The following SYNDIG1L variants were observed in gnomAD, a reference collection of about 807,000 sequenced individuals.
SYNDIG1L encodes synapse differentiation-inducing gene protein 1-like.
Under a neutral mutation model 20.1 loss-of-function variants are expected in SYNDIG1L, and 13 were observed. That is an observed-to-expected ratio of 0.65 (90% confidence interval 0.42 to 1.03). The LOEUF is 1.03. Ranked by LOEUF, SYNDIG1L falls within the 50% of genes least tolerant of loss-of-function variation. The pLI, the probability that SYNDIG1L is intolerant of heterozygous loss-of-function variation, is 0.00. For synonymous variants in SYNDIG1L, 128 were observed against 129.3 expected, an observed-to-expected ratio of 0.99 and a Z score of 0.07; for missense variants, 294 against 305.1, an observed-to-expected ratio of 0.96 and a Z score of 0.27.
chr14:74,446,251 C>CA, the SYNDIG1L span, among the ~76,000 whole-genome samples: 2 of 152,130 alleles, frequency 1.3e-5, no homozygotes, highest in East Asian at 3.9e-4. Flanking sequence ...GAGAAACAGC[C>CA]TAAATATTCC....
chr14:74,436,569 C>T, the SYNDIG1L span, among the ~76,000 whole-genome samples: 1 of 151,782 alleles, frequency 6.6e-6, no homozygotes, highest in Non-Finnish European at 1.5e-5. Flanking sequence ...CTCAGCTCAG[C>T]TGGGTGCAGT....
chr14:74,463,764 A>G, the SYNDIG1L span, among the ~76,000 whole-genome samples: 1 of 152,204 alleles, frequency 6.6e-6, no homozygotes. Flanking sequence ...ACAAAATAGA[A>G]AAAGGTTAAG....
chr14:74,411,000 AC>A lies in SYNDIG1L; in HGVS notation c.-57-1200del, dbSNP rs538099460. Among the ~76,000 whole-genome samples, 80 of 151,900 alleles carry A rather than the reference AC, an allele frequency of 5.3e-4. 1 individual carries two copies. The highest frequency in any genetic ancestry group is 1.9e-3 in the South Asian group (9 of 4,802). On this transcript the variant is annotated intron_variant, in intron 1 of 3. Coordinates refer to ENST00000331628, the MANE Select transcript of SYNDIG1L (RefSeq NM_001105579.2). ...CTACTGAGCACCTGGGAAGCCATAA[AC>A]CCCCCCAACACACTGGGTGTGGCAG...
upstream of SYNDIG1L, among the ~76,000 whole-genome samples, chr14:74,429,731 A>G (rs1245958100): frequency 1.3e-5 from 2 of 152,230 alleles, no homozygotes; most frequent in East Asian, 1.9e-4. Flanking sequence ...GCACTCATGG[A>G]TATGGCTCCA....
chr14:74,479,064 G>A, the SYNDIG1L span, among the ~76,000 whole-genome samples: 1 of 152,214 alleles, frequency 6.6e-6, no homozygotes, highest in Non-Finnish European at 1.5e-5. Flanking sequence ...GATACATCTA[G>A]AGTCTGGTAT....
the SYNDIG1L span, among the ~76,000 whole-genome samples, chr14:74,475,605 T>G: frequency 6.6e-6 from 1 of 151,638 alleles, no homozygotes; most frequent in African/African-American, 2.4e-5. Context: ...GCTCTTAGAC[T>G]CTGAAGCTCC....
the SYNDIG1L span, among the ~76,000 whole-genome samples, chr14:74,459,830 A>C: frequency 2.5e-4 from 38 of 152,044 alleles, no homozygotes; most frequent in African/African-American, 7.7e-4. Flanking sequence ...GCTGTTGCTG[A>C]CTCCTTCAGA....
chr14:74,449,559 C>T, the SYNDIG1L span, among the ~76,000 whole-genome samples: 539 of 142,770 alleles, frequency 3.8e-3, 5 homozygotes, highest in African/African-American at 0.014. Flanking sequence ...CTGCAGTGAG[C>T]TATGATTGTG....
At chr14:74,448,933 G>T in the SYNDIG1L span, among the ~76,000 whole-genome samples, 1 of 151,948 alleles carries the variant, frequency 6.6e-6, no homozygotes, top group Non-Finnish European at 1.5e-5. Context: ...AAAGAGAAAA[G>T]AAATAGGAAA....
chr14:74,448,452 C>CTA, the SYNDIG1L span, among the ~76,000 whole-genome samples: 1 of 152,046 alleles, frequency 6.6e-6, no homozygotes, highest in East Asian at 1.9e-4. Context: ...ACATAACAAT[C>CTA]TATACAGTTA....
In SYNDIG1L at chr14:74,409,574, T is replaced by C. The variant is rs372896550; in HGVS notation, c.171A>G (p.Pro57=). Reference sequence around the variant, plus strand: ...CCTCCACGGCCAGCTGCAGGGACCCTGGGTCCAGGAGCTGGTGGGCTCCGG... The same window carrying C: ...CCTCCACGGCCAGCTGCAGGGACCCCGGGTCCAGGAGCTGGTGGGCTCCGG... ...GPAGAHQLLD[P]GSLQLAVEAW... is the part of the protein sequence containing the mutation. Residue 57 remains proline (P), a synonymous_variant, in exon 2 of 4, where the codon CCA becomes CCG. Coordinates refer to ENST00000331628, the MANE Select transcript of SYNDIG1L (RefSeq NM_001105579.2). 75 of 1,520,044 alleles carry C rather than the reference T, an allele frequency of 4.9e-5. No individual in the cohort carries two copies. In the East Asian group the frequency reaches 1.2e-3, roughly 24 times the overall value. 94.2% of individuals were successfully genotyped at this position (1,520,044 alleles called of 1,614,324 possible).
the SYNDIG1L span, chr14:74,472,284 C>T: frequency 6.6e-6 from 1 of 152,222 alleles, no homozygotes; most frequent in Admixed American, 6.5e-5. Flanking sequence ...CACCCCTCCC[C>T]TGGCTTTTAC....
At chr14:74,447,346 T>C in the SYNDIG1L span, among the ~76,000 whole-genome samples, 4 of 152,246 alleles carry the variant, frequency 2.6e-5, no homozygotes, top group Non-Finnish European at 5.9e-5. Flanking sequence ...AGGTAGCACT[T>C]TGGGAGGCCA....
At chr14:74,417,271 A>G (rs966974907) in intron 1 of SYNDIG1L, among the ~76,000 whole-genome samples, 8 of 152,228 alleles carry the variant, frequency 5.3e-5, no homozygotes, top group African/African-American at 1.9e-4. Context: ...AAAGGTGATA[A>G]AACAGCTGGC....
upstream of SYNDIG1L, among the ~76,000 whole-genome samples, chr14:74,426,368 C>A (rs1409190975): frequency 6.6e-6 from 1 of 151,622 alleles, no homozygotes; most frequent in East Asian, 1.9e-4. Context: ...GTCGGGGGAG[C>A]CCGGAGGAGG....
the SYNDIG1L span, among the ~76,000 whole-genome samples, chr14:74,433,776 G>T: frequency 2.0e-5 from 3 of 152,092 alleles, no homozygotes; most frequent in Admixed American, 1.3e-4. Context: ...TTTACCCAAG[G>T]TTTTATGGCT....
the SYNDIG1L span, among the ~76,000 whole-genome samples, chr14:74,445,354 T>C: frequency 6.6e-6 from 1 of 152,194 alleles, no homozygotes; most frequent in African/African-American, 2.4e-5. Context: ...TATTCCTTTA[T>C]AGCAATGTGA....
the SYNDIG1L span, among the ~76,000 whole-genome samples, chr14:74,452,316 C>A: frequency 6.6e-6 from 1 of 152,126 alleles, no homozygotes; most frequent in Non-Finnish European, 1.5e-5. Flanking sequence ...TGTGTCCCCA[C>A]CCAAGTCTCA....
In SYNDIG1L at chr14:74,409,400, G is replaced by A. The variant is rs201402324; in HGVS notation, c.345C>T (p.Val115=). 1.5e-5 allele frequency: 24 copies of A among 1,613,274 alleles called. No homozygotes were observed. The Middle Eastern group carries it at 8.3e-4, about 56-fold the overall frequency. ...PTGPGQAAEN[V]TIQTVSYGVQ... The stretch of plus-strand genomic sequence containing the variant: ...CCCCATAGGACACAGTCTGGATGGT[G>A]ACATTCTCTGCAGCTTGGCCAGGTC... The change falls in exon 2 of 4, where the codon GTC becomes GTT. Residue 115 remains valine (V), a synonymous_variant. Transcript: ENST00000331628.
Sources: allele counts gnomAD v4.1 joint callset (sites outside exome capture counted in the v4.1 genomes callset), GRCh38; gene constraint gnomAD v4.1.1; transcripts MANE v1.5; gene names NCBI Gene and HGNC (gene_info 2026-07-23, HGNC 2026-07-21).